The following PRKN variants were observed in gnomAD, a reference collection of about 807,000 sequenced individuals.
PRKN encodes E3 ubiquitin-protein ligase parkin.
PRKN carries 56 observed loss-of-function variants against 59.5 expected under a neutral mutation model. The observed-to-expected ratio is 0.94, with a 90% CI of 0.76 to 1.18. PRKN has a LOEUF of 1.18. PRKN is among the 50% of genes most tolerant of loss of function. The pLI, the probability that PRKN is intolerant of heterozygous loss-of-function variation, is 0.00. For synonymous variants in PRKN, 250 were observed against 222.1 expected, an observed-to-expected ratio of 1.13 and a Z score of -1.12; for missense variants, 657 against 596.4, an observed-to-expected ratio of 1.10 and a Z score of -1.06.
intron 7 of PRKN, among the ~76,000 whole-genome samples, chr6:161,733,797 T>TATATATATATAA (rs58765166): frequency 2.4e-5 from 2 of 82,006 alleles, no homozygotes; most frequent in African/African-American, 8.2e-5. Flanking sequence ...TATATATATA[T>TATATATATATAA]GTATATATAT....
chr6:162,444,160 G>A (rs1208460111), intron 1 of PRKN, among the ~76,000 whole-genome samples: 2 of 152,070 alleles, frequency 1.3e-5, no homozygotes, highest in Non-Finnish European at 2.9e-5. Context: ...TGCACCTGCT[G>A]TCCCACCTCT....
intron 7 of PRKN, among the ~76,000 whole-genome samples, chr6:161,744,754 A>G (rs1193963346): frequency 6.6e-6 from 1 of 152,204 alleles, no homozygotes; most frequent in Non-Finnish European, 1.5e-5. Flanking sequence ...CAAGTGACTA[A>G]ATGAAACATA....
intron 7 of PRKN, among the ~76,000 whole-genome samples, chr6:161,580,117 G>A (rs1204793810): frequency 2.6e-5 from 4 of 152,100 alleles, no homozygotes; most frequent in Admixed American, 6.6e-5. Flanking sequence ...TCTATGATGC[G>A]GGAAAACCCA....
chr6:161,767,562 G>A (rs1052828379), intron 7 of PRKN, among the ~76,000 whole-genome samples: 5 of 151,206 alleles, frequency 3.3e-5, no homozygotes, highest in Non-Finnish European at 5.9e-5. Context: ...AAAAAAGAAC[G>A]CTCCGAAGCA....
In PRKN at chr6:162,056,126, A is replaced by C. The variant is rs1338087047; in HGVS notation, c.535-1952T>G. 1.3e-5 allele frequency among the ~76,000 whole-genome samples: 2 copies of C among 151,134 alleles called. No homozygotes were observed. Among genetic ancestry groups the C allele is most frequent in the Non-Finnish European group, 3.0e-5 (2 of 67,662 alleles). ...CACACACATATACCCACATGCATGCACGCACACCAAGACACACCACACACG... is the reference window on the plus strand; with the variant it reads ...CACACACATATACCCACATGCATGCCCGCACACCAAGACACACCACACACG... On this transcript the variant is annotated intron_variant, in intron 4 of 11. Transcript: ENST00000366898. The surrounding 1 kb of genome is among the most constrained non-coding windows in gnomAD (Gnocchi z 4.9).
At chr6:162,250,176 A>T (rs1471251169) in intron 3 of PRKN, among the ~76,000 whole-genome samples, 3 of 130,906 alleles carry the variant, frequency 2.3e-5, no homozygotes, top group African/African-American at 1.0e-4. Context: ...AACCGTTTTG[A>T]TTATTTATAA....
intron 1 of PRKN, among the ~76,000 whole-genome samples, chr6:162,625,291 C>A (rs1782839242): frequency 6.6e-6 from 1 of 152,188 alleles, no homozygotes; most frequent in Non-Finnish European, 1.5e-5. Context: ...CTCACTGATA[C>A]AATGCTTAGT....
chr6:161,428,903 G>A lies in PRKN; in HGVS notation c.1084-42026C>T, dbSNP rs1293889130. Among the ~76,000 whole-genome samples, 1 of 152,124 alleles carries A rather than the reference G, an allele frequency of 6.6e-6. No homozygotes were observed. Among genetic ancestry groups the A allele is most frequent in the African/African-American group, 2.4e-5 (1 of 41,412 alleles). ...TATCATGTGCTGACCTATGGCTAGG[G>A]GTCCCTGGTTTCTCCCACCTTCTTC... is the stretch of plus-strand genomic sequence containing the variant. On this transcript the variant is annotated intron_variant, in intron 9 of 11. Transcript: ENST00000366898. The surrounding 1 kb of genome is among the most constrained non-coding windows in gnomAD (Gnocchi z 4.0).
At chr6:161,949,212 C>T (rs1289040780) in intron 6 of PRKN, among the ~76,000 whole-genome samples, 6 of 152,148 alleles carry the variant, frequency 3.9e-5, no homozygotes, top group African/African-American at 9.7e-5. Flanking sequence ...ACTCTGTTCT[C>T]CTGACTTAAA....
At chr6:162,417,193 A>G (rs10945828) in intron 2 of PRKN, among the ~76,000 whole-genome samples, 27,774 of 152,208 alleles carry the variant, frequency 0.18, 2,855 homozygotes, top group Non-Finnish European at 0.21. Context: ...TGTGATACAA[A>G]CTACCTACCC....
At chr6:162,494,358 C>T (rs887031075) in intron 1 of PRKN, among the ~76,000 whole-genome samples, 1 of 152,080 alleles carries the variant, frequency 6.6e-6, no homozygotes, top group Non-Finnish European at 1.5e-5. Context: ...GGTGGGGAAC[C>T]CTGGCTTCTG....
intron 7 of PRKN, among the ~76,000 whole-genome samples, chr6:161,598,393 A>G (rs9458311): frequency 0.01 from 1,540 of 152,302 alleles, 39 homozygotes; most frequent in African/African-American, 0.033. Context: ...TGTTAATTAT[A>G]AGAGAGAGAA....
intron 1 of PRKN, among the ~76,000 whole-genome samples, chr6:162,546,998 C>T (rs1226197250): frequency 6.6e-6 from 1 of 152,098 alleles, no homozygotes; most frequent in Non-Finnish European, 1.5e-5. Context: ...CATTTGTTTC[C>T]ACCAAGGGGC....
chr6:162,670,186 C>T lies in PRKN; in HGVS notation c.7+57476G>A, dbSNP rs1779266524. Among the ~76,000 whole-genome samples, 6 of 152,200 alleles carry T rather than the reference C, an allele frequency of 3.9e-5. No individual in the cohort carries two copies. The South Asian group carries it at 1.2e-3, about 31-fold the overall frequency. On this transcript the variant is annotated intron_variant, in intron 1 of 11. Coordinates refer to ENST00000366898, the MANE Select transcript of PRKN (RefSeq NM_004562.3). ...AACTGCTGTGAAAAGTGCTGAATTC[C>T]ATTCTTTCAGGGAGATAGAAAACAT...
chr6:162,500,147 C>T (rs537908229), intron 1 of PRKN, among the ~76,000 whole-genome samples: 112 of 151,104 alleles, frequency 7.4e-4, no homozygotes, highest in African/African-American at 2.5e-3. Context: ...CACCAAACAG[C>T]CACAAACAGC....
intron 7 of PRKN, among the ~76,000 whole-genome samples, chr6:161,733,947 T>C (rs889318372): frequency 7.5e-6 from 1 of 133,666 alleles, no homozygotes; most frequent in Non-Finnish European, 1.6e-5. Context: ...TCTCTTTTAT[T>C]GAAAATTCAT....
At chr6:162,139,994 T>A (rs1781710565) in intron 4 of PRKN, among the ~76,000 whole-genome samples, 1 of 152,204 alleles carries the variant, frequency 6.6e-6, no homozygotes, top group Non-Finnish European at 1.5e-5. Context: ...AAACTTAATG[T>A]CACCAATGAC....
chr6:161,654,585 C>G (rs752045491), intron 7 of PRKN, among the ~76,000 whole-genome samples: 4 of 152,194 alleles, frequency 2.6e-5, no homozygotes, highest in Non-Finnish European at 5.9e-5. Context: ...TAGAAAACTT[C>G]TAACATCTAA....
intron 1 of PRKN, among the ~76,000 whole-genome samples, chr6:162,643,454 A>G (rs1221219320): frequency 6.6e-6 from 1 of 151,694 alleles, no homozygotes; most frequent in Non-Finnish European, 1.5e-5. Context: ...ACTATGTGTA[A>G]TTATTTTAAA....
Sources: allele counts gnomAD v4.1 joint callset (sites outside exome capture counted in the v4.1 genomes callset), GRCh38; gene constraint gnomAD v4.1.1; non-coding constraint Gnocchi (gnomAD v3.1); transcripts MANE v1.5; gene names NCBI Gene and HGNC (gene_info 2026-07-23, HGNC 2026-07-21).